The following GMEB1 variants were observed in gnomAD, a reference collection of about 807,000 sequenced individuals.
GMEB1 encodes glucocorticoid modulatory element binding protein 1.
GMEB1 carries 6 observed loss-of-function variants against 52.4 expected under a neutral mutation model. That is an observed-to-expected ratio of 0.11 (90% CI 0.06 to 0.23). The LOEUF is 0.23. Among genes scored for constraint, GMEB1 ranks in the 10% least tolerant of loss-of-function variants. The probability of loss-of-function intolerance (pLI) is 1.00; values close to 1 mark genes in which losing one functional copy is unlikely to be tolerated. For missense variants in GMEB1, 486 were observed against 685.6 expected, an observed-to-expected ratio of 0.71 and a Z score of 3.25; for synonymous variants, 255 against 244.9, an observed-to-expected ratio of 1.04 and a Z score of -0.38.
intron 2 of GMEB1, chr1:28,689,771 T>C (rs1669867819): frequency 5.3e-6 from 1 of 190,412 alleles, no homozygotes; most frequent in Non-Finnish European, 1.1e-5. Flanking sequence ...CTAAAAAGCA[T>C]GGACTGTTCC....
At chr1:28,674,194 G>A (rs941659836) in intron 1 of GMEB1, among the ~76,000 whole-genome samples, 1 of 151,012 alleles carries the variant, frequency 6.6e-6, no homozygotes, top group Non-Finnish European at 1.5e-5. Flanking sequence ...ACAGAAATGA[G>A]CAGGGTTGGT....
intron 9 of GMEB1, among the ~76,000 whole-genome samples, chr1:28,710,883 G>A (rs1671029738): frequency 6.6e-6 from 1 of 152,050 alleles, no homozygotes; most frequent in Admixed American, 6.6e-5. Context: ...GGATTAAGAT[G>A]TCTCTTAGAT....
intron 8 of GMEB1, among the ~76,000 whole-genome samples, chr1:28,705,712 A>G (rs1670724077): frequency 6.6e-6 from 1 of 150,896 alleles, no homozygotes; most frequent in Non-Finnish European, 1.5e-5. Flanking sequence ...CGGCCTCCCA[A>G]AGTGCTGGGA....
chr1:28,704,874 C>T (rs1670674398), intron 8 of GMEB1, among the ~76,000 whole-genome samples: 1 of 151,944 alleles, frequency 6.6e-6, no homozygotes, highest in Admixed American at 6.6e-5. Flanking sequence ...TCCCAAAGTG[C>T]TGGGATTACA....
intron 5 of GMEB1, among the ~76,000 whole-genome samples, chr1:28,694,222 T>C (rs1219013658): frequency 1.3e-5 from 2 of 150,246 alleles, no homozygotes; most frequent in Non-Finnish European, 3.0e-5. Context: ...GACGGAGTCT[T>C]GCTCTGTTGC....
At chr1:28,685,601 A>G (rs555948024) in intron 2 of GMEB1, among the ~76,000 whole-genome samples, 1 of 152,174 alleles carries the variant, frequency 6.6e-6, no homozygotes, top group Non-Finnish European at 1.5e-5. Context: ...GCCATAGTAG[A>G]TATAGAGAAT....
At chr1:28,706,808 G>T (rs1331966592) in intron 8 of GMEB1, among the ~76,000 whole-genome samples, 1 of 151,042 alleles carries the variant, frequency 6.6e-6, no homozygotes, top group Non-Finnish European at 1.5e-5. Context: ...GGAATTACAG[G>T]CAAATACCAC....
chr1:28,714,677 G>A lies in GMEB1; in HGVS notation c.1596G>A (p.Leu532=). The A allele has an allele frequency of 1.2e-6, 2 of 1,614,140 alleles. No homozygotes were observed. The highest frequency in any genetic ancestry group is 1.7e-6 in the Non-Finnish European group (2 of 1,180,014). ...ATACTGAGGGCAAAGCAGTCATCTTGGAGACAGAGCTGAGGACTGAGGAGA... is the reference window on the plus strand; with the variant it reads ...ATACTGAGGGCAAAGCAGTCATCTTAGAGACAGAGCTGAGGACTGAGGAGA... ...AEDTEGKAVI[L]ETELRTEEKV... The change falls in exon 10 of 10, where the codon TTG becomes TTA. Residue 532 remains leucine, a synonymous_variant. Transcript: ENST00000373816.
Position 28,702,542 on chromosome 1 carries a change from G to A in GMEB1, c.703G>A (p.Val235Ile), listed in dbSNP as rs771766255. ...TGTCACCATGGCCACGGAGGAGGGT[G>A]TAAAGAAAGACTCAGAGGAAATTTC... ...AAVTMATEEG[V>I]KKDSEEISED... Residue 235 changes from valine (V) to isoleucine (I), a missense_variant, in exon 7 of 10, where the codon GTA becomes ATA. Physicochemically the swap from Val to Ile is conservative, Grantham distance 29. This residue lies in a region of GMEB1 where 200 missense variants were observed against 253.5 expected (regional missense o/e 0.79). Coordinates refer to ENST00000373816, the MANE Select transcript of GMEB1 (RefSeq NM_001319674.2). 4 of 1,613,686 alleles carry A rather than the reference G, an allele frequency of 2.5e-6. No homozygotes were observed. The highest frequency in any genetic ancestry group is 1.7e-5 in the Admixed American group (1 of 59,962).
intron 1 of GMEB1, among the ~76,000 whole-genome samples, chr1:28,676,477 C>G (rs1669154420): frequency 6.6e-6 from 1 of 152,132 alleles, no homozygotes; most frequent in African/African-American, 2.4e-5. Flanking sequence ...CCTGTAATCC[C>G]AACACTTTGG....
rs907766970 is a variant in GMEB1, at chr1:28,718,652, A to G, written c.*3879A>G. On this transcript the variant is annotated 3_prime_UTR_variant, in exon 10 of 10. Coordinates refer to ENST00000373816, the MANE Select transcript of GMEB1 (RefSeq NM_001319674.2). ...TATAATTGTTTTTTTTTGTAATTTT[A>G]TGTATTTTATGCATTGAAAAACATT... 1 of 152,176 alleles carries G rather than the reference A, an allele frequency of 6.6e-6. No homozygotes were observed. The highest frequency in any genetic ancestry group is 2.1e-4 in the South Asian group (1 of 4,826). The allele number at this position is 152,176 out of a possible 1,614,324, so 9.4% of individuals were successfully genotyped here.
At chr1:28,685,196 T>TTTTA (rs1440060886) in intron 2 of GMEB1, among the ~76,000 whole-genome samples, 1 of 152,036 alleles carries the variant, frequency 6.6e-6, no homozygotes, top group Non-Finnish European at 1.5e-5. Flanking sequence ...AAAGATAAGA[T>TTTTA]TTAAAAAGGG....
intron 1 of GMEB1, among the ~76,000 whole-genome samples, chr1:28,680,395 A>G (rs1323092807): frequency 6.6e-6 from 1 of 151,788 alleles, no homozygotes; most frequent in African/African-American, 2.4e-5. Context: ...CATTTATTAC[A>G]CTCCTGTCCT....
At chr1:28,670,819 T>C (rs572338215) in intron 1 of GMEB1, among the ~76,000 whole-genome samples, 1 of 152,286 alleles carries the variant, frequency 6.6e-6, no homozygotes, top group South Asian at 2.1e-4. Flanking sequence ...TTGAGAGCCT[T>C]ATATCAAGGA....
intron 1 of GMEB1, among the ~76,000 whole-genome samples, chr1:28,677,894 G>A (rs1669226892): frequency 6.6e-6 from 1 of 151,748 alleles, no homozygotes; most frequent in African/African-American, 2.4e-5. Flanking sequence ...AAGAAAGAAG[G>A]GAGAAGAGGC....
At position 28,670,650 on chromosome 1, in the gene GMEB1, T is replaced by G. The variant is rs193115115; in HGVS notation, c.-31+1811T>G. Among the ~76,000 whole-genome samples the G allele has an allele frequency of 4.4e-3, 663 of 151,840 alleles. 8 individuals are homozygous for G. Among genetic ancestry groups the G allele is most frequent in the South Asian group, 0.026 (124 of 4,808 alleles). ...GCCCAACCAGGCTAATTTTTTTGTG[T>G]TTTTAGTAGAGACGGGGTTTCACCA... On this transcript the variant is annotated intron_variant, in intron 1 of 9. Transcript: ENST00000373816.
At chr1:28,699,695 G>T (rs1670400804) in intron 6 of GMEB1, among the ~76,000 whole-genome samples, 1 of 151,172 alleles carries the variant, frequency 6.6e-6, no homozygotes, top group South Asian at 2.1e-4. Flanking sequence ...CTCCCAAAGT[G>T]CTAGAGTTAC....
rs150792639 is a variant in GMEB1, at chr1:28,714,651, G to A, written c.1570G>A (p.Asp524Asn). The change falls in exon 10 of 10, where the codon GAT becomes AAT. Residue 524 changes from aspartate to asparagine, a missense_variant. Physicochemically the swap from Asp to Asn is conservative, Grantham distance 23. Transcript: ENST00000373816. ...IDPAPDPEAE[D>N]TEGKAVILET... is the part of the protein sequence containing the mutation. ...TCCAGCCCCGGACCCAGAAGCTGAA[G>A]ATACTGAGGGCAAAGCAGTCATCTT... is the stretch of plus-strand genomic sequence containing the variant. 13 of 1,614,060 alleles carry A rather than the reference G, an allele frequency of 8.1e-6. No homozygotes were observed. In the African/African-American group the frequency reaches 1.6e-4, roughly 20 times the overall value.
intron 9 of GMEB1, among the ~76,000 whole-genome samples, chr1:28,711,495 T>G (rs1671060498): frequency 6.6e-6 from 1 of 152,150 alleles, no homozygotes; most frequent in Non-Finnish European, 1.5e-5. Context: ...ACTCTGTCAC[T>G]GAGGCTGGAG....
Sources: gnomAD v4.1 joint callset for allele counts (sites outside exome capture counted in the v4.1 genomes callset) on GRCh38, gnomAD v4.1.1 for gene constraint, gnomAD v4.1.1 regional missense constraint, MANE v1.5 for transcripts, NCBI Gene and HGNC (gene_info 2026-07-23, HGNC 2026-07-21) for gene names.